The following LLGL2 variants were observed in gnomAD, a reference collection of about 807,000 sequenced individuals.
LLGL2 encodes LLGL scribble cell polarity complex component 2.
A neutral mutation model predicts 123.2 loss-of-function variants in LLGL2; 81 were observed. That is an observed-to-expected ratio of 0.66 (90% confidence interval 0.55 to 0.79). The LOEUF (loss-of-function observed/expected upper bound fraction) is 0.79, where lower values mean the gene tolerates loss of function less well. Ranked by LOEUF, LLGL2 falls within the 30% of genes least tolerant of loss-of-function variation. The pLI is 0.00. For missense variants in LLGL2, 1,273 were observed against 1,414.6 expected (o/e 0.90, Z 1.61); for synonymous variants, 577 against 594.1 (o/e 0.97, Z 0.42).
Position 75,564,183 on chromosome 17 carries a change from C to G in LLGL2, c.882-170C>G, listed in dbSNP as rs1598613367. Among the ~76,000 whole-genome samples the G allele has an allele frequency of 6.6e-6, 1 of 152,174 alleles. No homozygotes were observed. The highest frequency in any genetic ancestry group is 1.9e-4 in the East Asian group (1 of 5,184). On this transcript the variant is annotated intron_variant, in intron 9 of 25. Transcript: ENST00000392550. This position sits in a 1 kb window ranked among gnomAD's most constrained non-coding sequence, Gnocchi z 4.9. The stretch of plus-strand genomic sequence containing the variant: ...AGACTCAGAGCCCCCAGCCTGGATG[C>G]CCTCACCTTACCTCCAAGTCCTCCT...
chr17:75,555,994 T>G, intron 2 of LLGL2, 52 bp from the exon 3 acceptor site: 1 of 1,416,206 alleles, frequency 7.1e-7, no homozygotes. Flanking sequence ...GCAGCCATGG[T>G]GGCGCGAAGG....
At chr17:75,571,646 C>T (rs762899289) in intron 17 of LLGL2, 21 bp from the exon 18 acceptor site, 4 of 1,584,638 alleles carry the variant, frequency 2.5e-6, no homozygotes, top group East Asian at 2.2e-5. Context: ...GGTCAGACAC[C>T]CAAACATGGC....
chr17:75,525,563 A>G (rs1173168913), upstream of LLGL2, among the ~76,000 whole-genome samples: 1 of 150,582 alleles, frequency 6.6e-6, no homozygotes, highest in Admixed American at 6.6e-5. The surrounding 1 kb of genome is among the most constrained non-coding windows in gnomAD (Gnocchi z 4.8). Context: ...GCGGATTGGC[A>G]GGAGCGCAGC....
At chr17:75,557,646 G>T (rs780162660) in intron 3 of LLGL2, among the ~76,000 whole-genome samples, 2 of 152,166 alleles carry the variant, frequency 1.3e-5, no homozygotes, top group African/African-American at 4.8e-5. Context: ...CGAGTTCCAG[G>T]CTGGGCTGGT....
chr17:75,573,393 G>A (rs1364892037), intron 20 of LLGL2, 88 bp from the exon 21 acceptor site: 18 of 1,558,750 alleles, frequency 1.2e-5, no homozygotes, highest in African/African-American at 4.1e-5. Context: ...GGAGAACTGC[G>A]AGGGAGCACT....
chr17:75,543,233 G>A (rs1360091176), intron 1 of LLGL2, 164 bp from the exon 2 acceptor site: 32 of 442,620 alleles, frequency 7.2e-5, no homozygotes, highest in Admixed American at 2.0e-4. Context: ...AGATCTGAGC[G>A]TGGGGAAGCC....
chr17:75,558,462 G>A lies in LLGL2; in HGVS notation c.256-50G>A. On this transcript the variant is annotated intron_variant, in intron 4 of 25. Transcript: ENST00000392550. The surrounding 1 kb of genome is among the most constrained non-coding windows in gnomAD (Gnocchi z 4.0). ...GGCTGCGTGGCCCCAGTGTGTAAAG[G>A]CCTTGCCTGGGTAGCAAGACCACAT... is the stretch of plus-strand genomic sequence containing the variant. The A allele has an allele frequency of 6.7e-7, 1 of 1,485,726 alleles. No individual in the cohort carries two copies. The allele number at this position is 1,485,726 out of a possible 1,614,324, so 92.0% of individuals were successfully genotyped here. A position where few individuals can be genotyped will look rare whatever the true frequency, so the allele number is the denominator to read the frequency against.
chr17:75,543,516 G>T lies in LLGL2; in HGVS notation c.75+15G>T, dbSNP rs1157150336. ...AGTTTAACAAGGTAAGTTAGGGAGA[G>T]CAGGGAAGATGACCCCCAGGTTTTC... On this transcript the variant is annotated intron_variant, in intron 2 of 25. Coordinates refer to ENST00000392550, the MANE Select transcript of LLGL2 (RefSeq NM_001031803.2). 13 of 1,604,536 alleles carry T rather than the reference G, an allele frequency of 8.1e-6. No homozygotes were observed. Among genetic ancestry groups the T allele is most frequent in the Non-Finnish European group, 1.0e-5 (12 of 1,174,346 alleles).
chr17:75,568,750 A>G (rs1322519454), intron 11 of LLGL2, 22 bp from the exon 12 acceptor site: 15 of 1,611,362 alleles, frequency 9.3e-6, no homozygotes, highest in Non-Finnish European at 1.3e-5. Flanking sequence ...TCTCCCATGG[A>G]CTTCTTGGTC....
intron 25 of LLGL2, 50 bp downstream of exon 25, chr17:75,574,718 G>C: frequency 6.2e-7 from 1 of 1,601,762 alleles, no homozygotes; most frequent in Non-Finnish European, 8.5e-7. Context: ...GGGAAGGGCT[G>C]GGAGGAAGAG....
chr17:75,573,231 A>C lies in LLGL2; in HGVS notation c.2678A>C (p.Glu893Ala). Residue 893 changes from glutamate (E) to alanine (A), a missense_variant, in exon 20 of 26, where the codon GAG becomes GCG. By Grantham distance (107) the Glu-to-Ala change is moderately radical (BLOSUM62 -1). Transcript: ENST00000392550. ...GTGCGCTACAGCTGCATCCGCCGGGAGGACGTCAGTGGCATCGCCTCCTGC... is the reference window on the plus strand; with the variant it reads ...GTGCGCTACAGCTGCATCCGCCGGGCGGACGTCAGTGGCATCGCCTCCTGC... ...PQVRYSCIRR[E>A]DVSGIASCVF... 1 of 1,610,564 alleles carries C rather than the reference A, an allele frequency of 6.2e-7. No individual in the cohort carries two copies. The highest frequency in any genetic ancestry group is 8.5e-7 in the Non-Finnish European group (1 of 1,177,974).
intron 1 of LLGL2, among the ~76,000 whole-genome samples, chr17:75,538,264 G>T (rs2054080416): frequency 6.6e-6 from 1 of 152,198 alleles, no homozygotes; most frequent in Admixed American, 6.5e-5. Context: ...AGGGAACGGG[G>T]GGTGGGCAGG....
chr17:75,538,259 A>G (rs1346682329), intron 1 of LLGL2, among the ~76,000 whole-genome samples: 1 of 152,114 alleles, frequency 6.6e-6, no homozygotes. Context: ...GGAGGAGGGA[A>G]CGGGGGGTGG....
chr17:75,534,354 G>A (rs1456353244), intron 1 of LLGL2, among the ~76,000 whole-genome samples: 2 of 152,382 alleles, frequency 1.3e-5, no homozygotes, highest in African/African-American at 4.8e-5. Context: ...ATGGTGGGGG[G>A]AATGGAGGCT....
At chr17:75,535,745 C>T (rs1254028862) in intron 1 of LLGL2, among the ~76,000 whole-genome samples, 1 of 152,218 alleles carries the variant, frequency 6.6e-6, no homozygotes, top group Non-Finnish European at 1.5e-5. Flanking sequence ...TGGTCTCTTT[C>T]TTGAGCTCTT....
chr17:75,527,238 C>T (rs191752609), intron 1 of LLGL2, among the ~76,000 whole-genome samples: 1 of 151,238 alleles, frequency 6.6e-6, no homozygotes, highest in East Asian at 1.9e-4. Flanking sequence ...ACAAGGAGAA[C>T]TGTGCGAGAG....
chr17:75,560,345 C>T (rs1452191872), intron 6 of LLGL2, among the ~76,000 whole-genome samples: 4 of 152,210 alleles, frequency 2.6e-5, no homozygotes, highest in African/African-American at 9.6e-5. Flanking sequence ...GTGGGCAGGA[C>T]GGCATGGGAC....
At chr17:75,569,387 G>GTGGTTGGCTCCTGTCCCTGCT in intron 14 of LLGL2, 62 bp downstream of exon 14, 1 of 1,364,728 alleles carries the variant, frequency 7.3e-7, no homozygotes, top group Non-Finnish European at 1.0e-6. Flanking sequence ...GGGACAGCAG[G>GTGGTTGGCTCCTGTCCCTGCT]GACAGGAGCC....
intron 2 of LLGL2, 148 bp from the exon 3 acceptor site, chr17:75,555,898 T>C (rs2054889512): frequency 3.2e-6 from 2 of 621,802 alleles, no homozygotes; most frequent in Non-Finnish European, 5.7e-6. Flanking sequence ...AAATATGGGT[T>C]AGGCTCCAAC....
Sources: gnomAD v4.1 joint callset for allele counts (sites outside exome capture counted in the v4.1 genomes callset) on GRCh38, gnomAD v4.1.1 for gene constraint, Gnocchi (gnomAD v3.1) non-coding constraint, MANE v1.5 for transcripts, NCBI Gene and HGNC (gene_info 2026-07-23, HGNC 2026-07-21) for gene names.